Variants in DIS3L2 observed in about 807,000 individuals in gnomAD.
DIS3L2 encodes DIS3 like 3'-5' exoribonuclease 2.
DIS3L2 carries 34 observed loss-of-function variants against 97.5 expected under a neutral mutation model. The observed-to-expected ratio is 0.35, with a 90% CI of 0.27 to 0.46. The LOEUF (loss-of-function observed/expected upper bound fraction) is 0.46, where lower values mean the gene tolerates loss of function less well. Ranked by LOEUF, DIS3L2 falls within the 20% of genes least tolerant of loss-of-function variation. The pLI, the probability that DIS3L2 is intolerant of heterozygous loss-of-function variation, is 1.00. For missense variants in DIS3L2, 1,038 were observed against 1,146.0 expected, an observed-to-expected ratio of 0.91 and a Z score of 1.36; for synonymous variants, 435 against 445.2, an observed-to-expected ratio of 0.98 and a Z score of 0.29.
At chr2:232,158,751 C>T (rs956921647) in intron 8 of DIS3L2, among the ~76,000 whole-genome samples, 18 of 151,786 alleles carry the variant, frequency 1.2e-4, no homozygotes, top group African/African-American at 4.4e-4. Flanking sequence ...TATTAGGAGA[C>T]GAATGTAGGA....
intron 3 of DIS3L2, among the ~76,000 whole-genome samples, chr2:232,018,280 T>G (rs939577865): frequency 1.8e-5 from 1 of 54,984 alleles, no homozygotes; most frequent in African/African-American, 1.9e-4. Flanking sequence ...AACAAAAATC[T>G]GATCAATATA....
rs754008215 is a variant in DIS3L2 at position 232,210,364 on chromosome 2, G to A, written c.1163G>A (p.Arg388Gln). ...TTCACCATTGACCCATCAACCGCCC[G>A]AGACCTCGATGATGCCCTCTCCTGC... The part of the protein sequence containing the change: ...CIFTIDPSTA[R>Q]DLDDALSCKP... Residue 388 changes from arginine to glutamine, a missense_variant, in exon 10 of 21, where the codon CGA becomes CAA. Arg to Gln is a conservative substitution (Grantham distance 43). Coordinates refer to ENST00000325385, the MANE Select transcript of DIS3L2 (RefSeq NM_152383.5). The A allele has an allele frequency of 8.7e-6, 14 of 1,613,566 alleles. No individual in the cohort carries two copies. Among genetic ancestry groups the A allele is most frequent in the East Asian group, 6.7e-5 (3 of 44,880 alleles).
chr2:232,067,600 T>G (rs533676385), intron 5 of DIS3L2, among the ~76,000 whole-genome samples: 15 of 152,340 alleles, frequency 9.8e-5, no homozygotes, highest in African/African-American at 3.4e-4. Flanking sequence ...AACTTATATC[T>G]GCAGTTGTTC....
At chr2:232,166,655 G>A (rs926827413) in intron 9 of DIS3L2, among the ~76,000 whole-genome samples, 17 of 152,152 alleles carry the variant, frequency 1.1e-4, no homozygotes, top group Non-Finnish European at 8.8e-5. Flanking sequence ...GGCGGAGGTT[G>A]CAGTGAGCCA....
At chr2:232,176,399 C>A (rs116188499) in intron 9 of DIS3L2, among the ~76,000 whole-genome samples, 527 of 152,172 alleles carry the variant, frequency 3.5e-3, no homozygotes, top group African/African-American at 0.012. Context: ...TTGATCTTTT[C>A]ACATAGCCAA....
intron 1 of DIS3L2, among the ~76,000 whole-genome samples, chr2:231,976,132 A>G (rs1033798465): frequency 6.6e-6 from 1 of 152,194 alleles, no homozygotes; most frequent in Non-Finnish European, 1.5e-5. Context: ...CTTTCTTTAC[A>G]TGGATGAATT....
intron 16 of DIS3L2, among the ~76,000 whole-genome samples, chr2:232,333,136 T>A (rs1173244012): frequency 1.4e-5 from 2 of 147,224 alleles, no homozygotes; most frequent in East Asian, 2.0e-4. Context: ...CACCACCACC[T>A]CCTCCTTCCA....
intron 7 of DIS3L2, among the ~76,000 whole-genome samples, chr2:232,132,686 C>A (rs1559662384): frequency 6.6e-6 from 1 of 152,142 alleles, no homozygotes; most frequent in Non-Finnish European, 1.5e-5. Context: ...TCCACAGCAC[C>A]TGTAAAGAGC....
chr2:232,254,129 T>C (rs951661043), intron 12 of DIS3L2, among the ~76,000 whole-genome samples: 1 of 152,248 alleles, frequency 6.6e-6, no homozygotes, highest in Non-Finnish European at 1.5e-5. Context: ...AATGCCTTGG[T>C]GTCATTCTGA....
In DIS3L2 at chr2:232,238,543, AGTGGGAGTTCACATTGCTGAC is replaced by A. The variant is rs1447242290; in HGVS notation, c.1219_1239del (p.Gly407_Val413del). 6.2e-7 allele frequency: 1 copy of A among 1,613,918 alleles called. No homozygotes were observed. The highest frequency in any genetic ancestry group is 8.5e-7 in the Non-Finnish European group (1 of 1,180,002). On this transcript the variant is annotated inframe_deletion, in exon 11 of 21. Transcript: ENST00000325385. Reference sequence around the variant, plus strand: ...CTCGTGCATTTACAGGCAACTTCAAAGTGGGAGTTCACATTGCTGACGTGAGTTACTTTGTTCCGGAGGGAT... The same window carrying A: ...CTCGTGCATTTACAGGCAACTTCAAAGTGAGTTACTTTGTTCCGGAGGGAT...
At chr2:232,000,876 T>A (rs148771684) in intron 1 of DIS3L2, among the ~76,000 whole-genome samples, 66 of 151,500 alleles carry the variant, frequency 4.4e-4, no homozygotes, top group Middle Eastern at 6.8e-3. Context: ...TTCCTTTTTT[T>A]TTTGTTTGTT....
intron 1 of DIS3L2, among the ~76,000 whole-genome samples, chr2:232,011,238 A>C (rs1478124785): frequency 1.3e-5 from 2 of 152,212 alleles, no homozygotes; most frequent in Non-Finnish European, 2.9e-5. Context: ...TAAGGATTGG[A>C]AACTGGCCCG....
chr2:232,117,070 C>T (rs1697745071), intron 6 of DIS3L2, among the ~76,000 whole-genome samples: 1 of 152,116 alleles, frequency 6.6e-6, no homozygotes, highest in Admixed American at 6.5e-5. Context: ...TTTCAGAGCC[C>T]CTTTGGTACC....
chr2:232,260,981 CAGGTTAAA>C (rs1693697770), intron 12 of DIS3L2, among the ~76,000 whole-genome samples: 1 of 152,180 alleles, frequency 6.6e-6, no homozygotes, highest in African/African-American at 2.4e-5. Flanking sequence ...TCTGCAAGCC[CAGGTTAAA>C]AGGTAAAATG....
rs377157805 is a variant in DIS3L2, at chr2:232,029,537, C to G, written c.265-442C>G. ...CACGGTGGTCCTAAGTCAGCAAGGT[C>G]GGTAGAGTGTGAAGATCACGTGATG... On this transcript the variant is annotated intron_variant, in intron 4 of 20. Coordinates refer to ENST00000325385, the MANE Select transcript of DIS3L2 (RefSeq NM_152383.5). 3.3e-5 allele frequency among the ~76,000 whole-genome samples: 5 copies of G among 151,576 alleles called. No homozygotes were observed. In the East Asian group the frequency reaches 5.8e-4, roughly 18 times the overall value.
At chr2:232,015,437 A>G (rs1188271939) in intron 2 of DIS3L2, 77 bp from the exon 3 acceptor site, 2 of 1,525,328 alleles carry the variant, frequency 1.3e-6, no homozygotes, top group Admixed American at 2.1e-5. Flanking sequence ...TAATAATTGT[A>G]AAAAGGTATA....
chr2:232,236,818 C>T (rs1186111361), intron 10 of DIS3L2, among the ~76,000 whole-genome samples: 3 of 152,208 alleles, frequency 2.0e-5, no homozygotes, highest in African/African-American at 7.2e-5. Flanking sequence ...GTGGCACAAT[C>T]TCAGCTCACT....
chr2:232,061,690 T>C (rs918952880), intron 5 of DIS3L2, among the ~76,000 whole-genome samples: 8 of 152,208 alleles, frequency 5.3e-5, no homozygotes, highest in Non-Finnish European at 8.8e-5. Flanking sequence ...TTCTGACCCA[T>C]GGAAGTGCAG....
At chr2:232,330,802 C>A in intron 16 of DIS3L2, 26 bp downstream of exon 16, 1 of 1,602,672 alleles carries the variant, frequency 6.2e-7, no homozygotes, top group South Asian at 1.1e-5. Context: ...CCCCGGCCTC[C>A]CCTGCTCCCA....
Sources: allele counts gnomAD v4.1 joint callset (sites outside exome capture counted in the v4.1 genomes callset), GRCh38; gene constraint gnomAD v4.1.1; transcripts MANE v1.5; gene names NCBI Gene and HGNC (gene_info 2026-07-23, HGNC 2026-07-21).